FAM20A: variants seen among roughly 807,000 people sequenced by gnomAD.
The protein encoded by FAM20A is FAM20A golgi associated secretory pathway pseudokinase.
Under a neutral mutation model 52.0 loss-of-function variants are expected in FAM20A, and 42 were observed. The ratio of observed to expected loss-of-function variants is 0.81; its 90% CI spans 0.63 to 1.04. The LOEUF (loss-of-function observed/expected upper bound fraction) is 1.04. FAM20A is among the 50% of genes least tolerant of loss of function. The pLI, the probability that FAM20A is intolerant of heterozygous loss-of-function variation, is 0.00. For missense variants in FAM20A, 742 were observed against 712.7 expected (o/e 1.04, Z -0.47); for synonymous variants, 304 against 298.9 (o/e 1.02, Z -0.18).
chr17:68,597,421 G>T (rs1229454293), intron 1 of FAM20A, among the ~76,000 whole-genome samples: 1 of 151,734 alleles, frequency 6.6e-6, no homozygotes, highest in South Asian at 2.1e-4. Context: ...ATCTCACTGT[G>T]TTGCCCAGGC....
At position 68,588,812 on chromosome 17, in the gene FAM20A, GA is replaced by G. The variant is rs533262089; in HGVS notation, c.404+11450del. Among the ~76,000 whole-genome samples the G allele has an allele frequency of 1.4e-4, 21 of 152,348 alleles. No homozygotes were observed. The South Asian group carries it at 4.4e-3, about 32-fold the overall frequency. ...TAGAACTTCAGCATGTGAATTTGAA[GA>G]GACACAATTCAGTCTATACCAGCCT... is the stretch of plus-strand genomic sequence containing the variant. On this transcript the variant is annotated intron_variant, in intron 1 of 10. Transcript: ENST00000592554.
chr17:68,559,018 A>C (rs1337482090), intron 1 of FAM20A, among the ~76,000 whole-genome samples: 1 of 152,192 alleles, frequency 6.6e-6, no homozygotes, highest in East Asian at 1.9e-4. Flanking sequence ...TTGACCACCC[A>C]AAGAGCTGGA....
intron 1 of FAM20A, among the ~76,000 whole-genome samples, chr17:68,565,964 A>T (rs2087366489): frequency 1.3e-5 from 2 of 152,050 alleles, no homozygotes; most frequent in South Asian, 4.2e-4. Context: ...TACTTCTTTA[A>T]ATCTTCCTCC....
At chr17:68,556,528 C>A (rs769685391) in intron 1 of FAM20A, among the ~76,000 whole-genome samples, 1 of 151,506 alleles carries the variant, frequency 6.6e-6, no homozygotes, top group Non-Finnish European at 1.5e-5. Context: ...CTGAGGACAA[C>A]CACAGTGAAG....
Position 68,535,192 on chromosome 17 carries a change from T to TG in FAM20A, c.*2284dup, listed in dbSNP as rs1300045894. The stretch of plus-strand genomic sequence containing the variant: ...CATGCTGGAAGAACTCGAGTAAGAA[T>TG]GAAACGGTTGGTTTTCTGATATTTT... On this transcript the variant is annotated 3_prime_UTR_variant, in exon 11 of 11. Coordinates refer to ENST00000592554, the MANE Select transcript of FAM20A (RefSeq NM_017565.4). 2.3e-6 allele frequency: 1 copy of TG among 444,092 alleles called. No homozygotes were observed. The highest frequency in any genetic ancestry group is 4.5e-6 in the Non-Finnish European group (1 of 220,518). 27.5% of individuals were successfully genotyped at this position (444,092 alleles called of 1,614,324 possible). A position where few individuals can be genotyped will look rare whatever the true frequency, so the allele number is the denominator to read the frequency against.
chr17:68,598,524 C>G (rs1248212501), intron 1 of FAM20A, among the ~76,000 whole-genome samples: 1 of 152,152 alleles, frequency 6.6e-6, no homozygotes, highest in Non-Finnish European at 1.5e-5. Context: ...ACTCTGTGAT[C>G]TCTGAATATA....
chr17:68,537,423 G>A lies in FAM20A; in HGVS notation c.*54C>T, dbSNP rs541111143. 10 of 1,611,330 alleles carry A rather than the reference G, an allele frequency of 6.2e-6. No homozygotes were observed. Among genetic ancestry groups the A allele is most frequent in the African/African-American group, 4.0e-5 (3 of 74,982 alleles). The stretch of plus-strand genomic sequence containing the variant: ...GAGTGAGGACGCAGGGTCGGCACTC[G>A]AGTCGACTGCTCTGGCTCCAGGCGT... On this transcript the variant is annotated 3_prime_UTR_variant, in exon 11 of 11. Transcript: ENST00000592554. The surrounding 1 kb of genome is among the most constrained non-coding windows in gnomAD (Gnocchi z 4.2).
chr17:68,548,499 C>T (rs1834808318), intron 4 of FAM20A, among the ~76,000 whole-genome samples: 3 of 151,786 alleles, frequency 2.0e-5, no homozygotes, highest in Admixed American at 2.0e-4. Flanking sequence ...CATTGCACTC[C>T]AGCCTGGGCA....
Position 68,535,673 on chromosome 17 carries a change from TTTTTTTTTTG to T in FAM20A, c.*1794_*1803del, listed in dbSNP as rs1207113513. The T allele has an allele frequency of 2.2e-6, 1 of 447,374 alleles. No homozygotes were observed. Among genetic ancestry groups the T allele is most frequent in the Non-Finnish European group, 4.4e-6 (1 of 225,262 alleles). The allele number at this position is 447,374 out of a possible 1,614,324, so 27.7% of individuals were successfully genotyped here. Reference sequence around the variant, plus strand: ...AAAGAGTTGATTTAAAAAAAAATTTTTTTTTTTTTGTATTTTTTTGTAGAGACAGGGTTTT... The same window carrying T: ...AAAGAGTTGATTTAAAAAAAAATTTTTATTTTTTTGTAGAGACAGGGTTTT... On this transcript the variant is annotated 3_prime_UTR_variant, in exon 11 of 11. Coordinates refer to ENST00000592554, the MANE Select transcript of FAM20A (RefSeq NM_017565.4).
intron 1 of FAM20A, among the ~76,000 whole-genome samples, chr17:68,559,540 G>C (rs1177426324): frequency 1.3e-5 from 2 of 152,132 alleles, no homozygotes; most frequent in African/African-American, 4.8e-5. Context: ...AAATCACTTT[G>C]CTCCTGACTC....
In FAM20A at chr17:68,573,557, CTCTT is replaced by C. The variant is rs202089390; in HGVS notation, c.405-17818_405-17815del. 8.8e-3 allele frequency among the ~76,000 whole-genome samples: 1,307 copies of C among 147,778 alleles called. 18 individuals carry two copies. Among genetic ancestry groups the C allele is most frequent in the African/African-American group, 0.031 (1,256 of 40,146 alleles). On this transcript the variant is annotated intron_variant, in intron 1 of 10. Coordinates refer to ENST00000592554, the MANE Select transcript of FAM20A (RefSeq NM_017565.4). ...CTTCCTTTCTTTCCTTTCTTTCCCT[CTCTT>C]TCTCTTTTCCTTCTTTCCTTCCTTT...
intron 4 of FAM20A, among the ~76,000 whole-genome samples, chr17:68,548,339 G>T (rs923086406): frequency 9.2e-5 from 14 of 152,154 alleles, no homozygotes; most frequent in Admixed American, 6.5e-5. Flanking sequence ...AGACCAGCCT[G>T]GCCAACACGG....
In FAM20A at chr17:68,601,138, C is replaced by G. The variant is rs1339311294; in HGVS notation, c.-472G>C. The G allele has an allele frequency of 1.3e-5, 2 of 152,146 alleles. No individual in the cohort carries two copies. Among genetic ancestry groups the G allele is most frequent in the Non-Finnish European group, 2.9e-5 (2 of 68,050 alleles). 9.4% of individuals were successfully genotyped at this position (152,146 alleles called of 1,614,324 possible). On this transcript the variant is annotated 5_prime_UTR_variant, in exon 1 of 11. Coordinates refer to ENST00000592554, the MANE Select transcript of FAM20A (RefSeq NM_017565.4). ...GGATGCTGTCGCTCGGCGGCGGCTG[C>G]TAGTGCTCCCGCGACTCCTCCTGCG...
intron 1 of FAM20A, among the ~76,000 whole-genome samples, chr17:68,587,709 G>A (rs907167575): frequency 2.6e-5 from 4 of 152,192 alleles, no homozygotes; most frequent in African/African-American, 9.7e-5. Flanking sequence ...TTTCAGGCCA[G>A]AGTCTTACGA....
rs758202373 is a variant in FAM20A at position 68,554,830 on chromosome 17, G to A, written c.590-3C>T. On this transcript the variant is annotated splice_polypyrimidine_tract_variant and splice_region_variant and intron_variant, in intron 2 of 10. Coordinates refer to ENST00000592554, the MANE Select transcript of FAM20A (RefSeq NM_017565.4). ...GGCTTTCTCATCTTGACTGTAATCT[G>A]CAAAGGAGGAGAAGGGCAATGAGAA... The A allele has an allele frequency of 1.9e-6, 3 of 1,614,074 alleles. No homozygotes were observed. Among genetic ancestry groups the A allele is most frequent in the Non-Finnish European group, 2.5e-6 (3 of 1,179,964 alleles).
intron 2 of FAM20A, 75 bp downstream of exon 2, chr17:68,555,484 G>T: frequency 6.5e-7 from 1 of 1,534,886 alleles, no homozygotes; most frequent in Non-Finnish European, 9.0e-7. Flanking sequence ...CCACTCTGGA[G>T]CCTAGCCTGG....
intron 1 of FAM20A, among the ~76,000 whole-genome samples, chr17:68,594,609 A>C (rs1043608077): frequency 1.3e-5 from 2 of 152,128 alleles, no homozygotes; most frequent in African/African-American, 4.8e-5. Flanking sequence ...GTTCTGGGGA[A>C]AAAAATCTGC....
Position 68,535,762 on chromosome 17 carries a change from T to G in FAM20A, c.*1715A>C, listed in dbSNP as rs1005093482. On this transcript the variant is annotated 3_prime_UTR_variant, in exon 11 of 11. Transcript: ENST00000592554. ...CCTGAGACCAAGCGATCTGCCTGTT[T>G]AGGCCCAAAGTGCTGGGATTACAGG... 1.3e-5 allele frequency: 6 copies of G among 453,110 alleles called. No individual in the cohort carries two copies. Among genetic ancestry groups the G allele is most frequent in the Admixed American group, 4.7e-5 (2 of 42,436 alleles). 28.1% of individuals were successfully genotyped at this position (453,110 alleles called of 1,614,324 possible).
rs2086072245 is a variant in FAM20A at position 68,535,412 on chromosome 17, G to A, written c.*2065C>T. On this transcript the variant is annotated 3_prime_UTR_variant, in exon 11 of 11. Transcript: ENST00000592554. Reference sequence around the variant, plus strand: ...GTTATAGGAGGTGGCGGGTTTTGAGGTAGAGCTGTAGCCTGCTTTCCTGAG... The same window carrying A: ...GTTATAGGAGGTGGCGGGTTTTGAGATAGAGCTGTAGCCTGCTTTCCTGAG... 1 of 453,980 alleles carries A rather than the reference G, an allele frequency of 2.2e-6. No homozygotes were observed. Among genetic ancestry groups the A allele is most frequent in the Non-Finnish European group, 4.4e-6 (1 of 226,792 alleles). The allele number at this position is 453,980 out of a possible 1,614,324, so 28.1% of individuals were successfully genotyped here.
Sources: allele counts gnomAD v4.1 joint callset (sites outside exome capture counted in the v4.1 genomes callset), GRCh38; gene constraint gnomAD v4.1.1; non-coding constraint Gnocchi (gnomAD v3.1); transcripts MANE v1.5; gene names NCBI Gene and HGNC (gene_info 2026-07-23, HGNC 2026-07-21).